AK9: variants seen among roughly 807,000 people sequenced by gnomAD.
The protein encoded by AK9 is adenylate kinase domain containing 1.
In AK9, 191 loss-of-function variants were observed where a neutral mutation model predicts 239.6. That is an observed-to-expected ratio of 0.80 (90% CI 0.71 to 0.90). AK9 has a LOEUF of 0.90. Among genes scored for constraint, AK9 ranks in the 40% least tolerant of loss-of-function variants. AK9 has a pLI of 0.00. For missense variants in AK9, 1,995 were observed against 2,214.7 expected (o/e 0.90, Z 1.99); for synonymous variants, 689 against 721.0 (o/e 0.96, Z 0.71).
Position 109,632,963 on chromosome 6 carries a change from G to T in AK9, c.1214C>A (p.Thr405Lys). The part of the protein sequence containing the change: ...FILGPQYSGK[T>K]TLCNMLAENY... ...TTCTGCAAGCATATTGCAAAGTGTTGTTTTCCCTGAATATTGAGGTCCAAG... is the reference window on the plus strand; with the variant it reads ...TTCTGCAAGCATATTGCAAAGTGTTTTTTTCCCTGAATATTGAGGTCCAAG... Residue 405 changes from threonine (T) to lysine (K), a missense_variant, in exon 12 of 41, where the codon ACA (threonine) becomes AAA (lysine). By Grantham distance (78) the Thr-to-Lys change is moderately conservative. Around this residue, in one of 5 missense-constraint regions of AK9, gnomAD observed 1,290 missense variants for 1,392.7 expected, o/e 0.93. Transcript: ENST00000424296. The T allele has an allele frequency of 1.2e-6, 2 of 1,613,230 alleles. No homozygotes were observed. Among genetic ancestry groups the T allele is most frequent in the African/African-American group, 1.3e-5 (1 of 74,980 alleles).
chr6:109,613,196 C>T (rs1793782455), intron 15 of AK9, among the ~76,000 whole-genome samples: 2 of 151,034 alleles, frequency 1.3e-5, no homozygotes, highest in Non-Finnish European at 3.0e-5. Flanking sequence ...GATTTGACTG[C>T]AAAAATATGA....
chr6:109,593,995 G>T (rs1446786482), intron 17 of AK9, among the ~76,000 whole-genome samples: 1 of 152,140 alleles, frequency 6.6e-6, no homozygotes, highest in Non-Finnish European at 1.5e-5. Flanking sequence ...ATTCAACATA[G>T]TATTAGAAGT....
rs1771365007 is a variant in AK9, at chr6:109,674,220, T to C, written c.159A>G (p.Ala53=). Residue 53 remains alanine, a synonymous_variant, in exon 3 of 41, where the codon GCA becomes GCG. Transcript: ENST00000424296. ...KTTLARYITQ[A]WKCIRVEALP... ...TACCTTCAACACGAATACATTTCCATGCCTGTGTTATGTAACGGGCTAATG... is the reference window on the plus strand; with the variant it reads ...TACCTTCAACACGAATACATTTCCACGCCTGTGTTATGTAACGGGCTAATG... The C allele has an allele frequency of 1.3e-6, 2 of 1,588,926 alleles. No homozygotes were observed. Among genetic ancestry groups the C allele is most frequent in the Admixed American group, 3.7e-5 (2 of 54,648 alleles).
chr6:109,538,316 T>G (rs948788269), intron 27 of AK9, among the ~76,000 whole-genome samples: 1 of 152,242 alleles, frequency 6.6e-6, no homozygotes, highest in Admixed American at 6.5e-5. Flanking sequence ...ATATTTAGGA[T>G]AGTTAGCTCT....
intron 20 of AK9, among the ~76,000 whole-genome samples, chr6:109,578,476 T>C (rs1453989153): frequency 6.6e-6 from 1 of 152,198 alleles, no homozygotes; most frequent in Non-Finnish European, 1.5e-5. Context: ...AACCAGCTTT[T>C]TGTTTCATTT....
intron 15 of AK9, among the ~76,000 whole-genome samples, chr6:109,613,046 C>G (rs117657261): frequency 0.029 from 4,280 of 149,298 alleles, 99 homozygotes; most frequent in East Asian, 0.11. Context: ...TTGATATAAT[C>G]AATCAATCCT....
intron 17 of AK9, 106 bp from the exon 18 acceptor site, chr6:109,586,178 T>C (rs1258913984): frequency 1.0e-6 from 1 of 998,348 alleles, no homozygotes; most frequent in Admixed American, 3.5e-5. Flanking sequence ...TTTGAGTTCT[T>C]CTTTCAAAAG....
In AK9 at chr6:109,569,590, T is replaced by A. The variant is rs552885886; in HGVS notation, c.2344+3852A>T. Among the ~76,000 whole-genome samples, 30 of 151,710 alleles carry A rather than the reference T, an allele frequency of 2.0e-4. 1 individual carries two copies. In the East Asian group the frequency reaches 4.1e-3, roughly 21 times the overall value. ...ACTTAAACAAATTTACAAGAAAAAATCGAACAACCCCATCAAAAAGTGGGC... is the reference window on the plus strand; with the variant it reads ...ACTTAAACAAATTTACAAGAAAAAAACGAACAACCCCATCAAAAAGTGGGC... On this transcript the variant is annotated intron_variant, in intron 21 of 40. Transcript: ENST00000424296.
chr6:109,620,768 C>T (rs1429298490), intron 12 of AK9, among the ~76,000 whole-genome samples: 7 of 151,342 alleles, frequency 4.6e-5, no homozygotes, highest in Non-Finnish European at 7.4e-5. Flanking sequence ...ACTATATACA[C>T]ATAATAGTAT....
At chr6:109,585,843 C>A (rs530642034) in intron 18 of AK9, 73 bp downstream of exon 18, 1 of 1,368,778 alleles carries the variant, frequency 7.3e-7, no homozygotes, top group East Asian at 2.5e-5. Context: ...GGAGAGTTGT[C>A]CGTTCTATAT....
intron 17 of AK9, among the ~76,000 whole-genome samples, chr6:109,601,971 C>G (rs149701489): frequency 2.0e-5 from 3 of 152,210 alleles, no homozygotes; most frequent in East Asian, 3.9e-4. Flanking sequence ...ATGTGTGTGT[C>G]TGCACGTGAG....
At chr6:109,646,707 G>C (rs1224562692) in intron 8 of AK9, among the ~76,000 whole-genome samples, 1 of 152,112 alleles carries the variant, frequency 6.6e-6, no homozygotes, top group Non-Finnish European at 1.5e-5. Context: ...TAGCAAGGCA[G>C]GCCAACATTC....
At chr6:109,676,940 C>T (rs1305836746) in intron 1 of AK9, among the ~76,000 whole-genome samples, 1 of 152,042 alleles carries the variant, frequency 6.6e-6, no homozygotes, top group Non-Finnish European at 1.5e-5. Flanking sequence ...TCCTTTGCAG[C>T]AACATGGATG....
chr6:109,494,144 CT>C (rs1241664492), intron 39 of AK9, 49 bp from the exon 40 acceptor site: 2 of 1,392,850 alleles, frequency 1.4e-6, no homozygotes, highest in Non-Finnish European at 2.0e-6. Context: ...AGTTTGGTTT[CT>C]TTTCTTAGTG....
chr6:109,606,293 G>GATAA (rs1792874851), intron 17 of AK9, among the ~76,000 whole-genome samples: 1 of 151,770 alleles, frequency 6.6e-6, no homozygotes, highest in Non-Finnish European at 1.5e-5. Flanking sequence ...TAGATAGATA[G>GATAA]ATAGATAGGA....
At chr6:109,542,260 A>AG in intron 26 of AK9, 89 bp from the exon 27 acceptor site, 1 of 1,272,098 alleles carries the variant, frequency 7.9e-7, no homozygotes, top group Non-Finnish European at 1.1e-6. Context: ...GTTAAAGAGG[A>AG]GGACCTCATG....
rs751941317 is a variant in AK9 at position 109,662,558 on chromosome 6, T to C, written c.437A>G (p.Asn146Ser). The C allele has an allele frequency of 3.3e-6, 5 of 1,536,150 alleles. No homozygotes were observed. The South Asian group carries it at 5.2e-5, about 16-fold the overall frequency. Residue 146 changes from asparagine to serine, a missense_variant, in exon 6 of 41, where the codon AAT becomes AGT. Physicochemically the swap from Asn to Ser is conservative, Grantham distance 46. Transcript: ENST00000424296. ...AACAATTAATATCCTTACCTTTATA[T>C]TGATTATAACATCAGGTTTCAGGTT... is the stretch of plus-strand genomic sequence containing the variant. Reference protein sequence around the residue: ...NLNLKPDVIINIKCPDYDLCQ... With the variant: ...NLNLKPDVIISIKCPDYDLCQ...
At chr6:109,689,954 G>A (rs186051641) in intron 1 of AK9, among the ~76,000 whole-genome samples, 32 of 152,244 alleles carry the variant, frequency 2.1e-4, no homozygotes, top group African/African-American at 7.5e-4. Context: ...GAACGGACAC[G>A]GCCATCCTTC....
intron 27 of AK9, among the ~76,000 whole-genome samples, chr6:109,534,513 T>C (rs182350953): frequency 1.5e-4 from 22 of 150,552 alleles, no homozygotes; most frequent in Non-Finnish European, 2.8e-4. Flanking sequence ...TTTGACAGTT[T>C]CAGCCTTCAA....
Sources: gnomAD v4.1 joint callset for allele counts (sites outside exome capture counted in the v4.1 genomes callset) on GRCh38, gnomAD v4.1.1 for gene constraint, gnomAD v4.1.1 regional missense constraint, MANE v1.5 for transcripts, NCBI Gene and HGNC (gene_info 2026-07-23, HGNC 2026-07-21) for gene names.